Variants in NLGN1 observed in about 807,000 individuals in gnomAD.
NLGN1 encodes the protein neuroligin 1, also known as neuroligin-1.
In NLGN1, 12 loss-of-function variants were observed where a neutral mutation model predicts 65.5. That is an observed-to-expected ratio of 0.18 (90% confidence interval 0.12 to 0.30). The LOEUF is 0.30. NLGN1 is among the 10% of genes least tolerant of loss of function. The pLI, the probability that NLGN1 is intolerant of heterozygous loss-of-function variation, is 1.00. For missense variants in NLGN1, 750 were observed against 1,007.1 expected (o/e 0.74, Z 3.46); for synonymous variants, 350 against 359.5 (o/e 0.97, Z 0.30).
chr3:174,127,722 A>G (rs934501204), intron 4 of NLGN1, among the ~76,000 whole-genome samples: 3 of 152,066 alleles, frequency 2.0e-5, no homozygotes, highest in African/African-American at 4.8e-5. Context: ...ACAGCTGGCA[A>G]TTTTCTTCCC....
At chr3:174,138,480 G>C (rs917263856) in intron 4 of NLGN1, among the ~76,000 whole-genome samples, 1 of 147,882 alleles carries the variant, frequency 6.8e-6, no homozygotes. Context: ...CGTCGCCGAG[G>C]CTGGAGTGTA....
At chr3:174,156,609 A>G (rs1440024003) in intron 4 of NLGN1, among the ~76,000 whole-genome samples, 1 of 151,906 alleles carries the variant, frequency 6.6e-6, no homozygotes, top group Non-Finnish European at 1.5e-5. Flanking sequence ...TAAGAATGAT[A>G]TGAATTTTAA....
At chr3:174,209,986 C>T (rs1162365423) in intron 4 of NLGN1, among the ~76,000 whole-genome samples, 1 of 152,130 alleles carries the variant, frequency 6.6e-6, no homozygotes, top group African/African-American at 2.4e-5. Context: ...CCACAATGTC[C>T]TGGGCACCTT....
intron 3 of NLGN1, among the ~76,000 whole-genome samples, chr3:173,727,111 G>T (rs1378348541): frequency 1.3e-5 from 2 of 152,092 alleles, no homozygotes. Flanking sequence ...TGCTTGATTT[G>T]GATAGTCCCT....
intron 4 of NLGN1, among the ~76,000 whole-genome samples, chr3:173,984,187 T>C (rs1232249322): frequency 2.0e-5 from 3 of 152,282 alleles, no homozygotes; most frequent in African/African-American, 7.2e-5. Flanking sequence ...CCTGTGACAA[T>C]GTGAAAGTTC....
chr3:173,752,646 T>C lies in NLGN1; in HGVS notation c.494-55034T>C, dbSNP rs1025500372. Among the ~76,000 whole-genome samples the C allele has an allele frequency of 3.9e-5, 6 of 152,244 alleles. No homozygotes were observed. The South Asian group carries it at 1.2e-3, about 32-fold the overall frequency. ...CTTACTCCTCTCTCTTTCTGGAACT[T>C]GATTGTCTCCTTCTCCACTTACTAC... is the stretch of plus-strand genomic sequence containing the variant. On this transcript the variant is annotated intron_variant, in intron 3 of 6. Coordinates refer to ENST00000457714, the Ensembl canonical transcript of NLGN1.
chr3:173,985,997 T>A (rs1330796879), intron 4 of NLGN1, among the ~76,000 whole-genome samples: 2 of 152,012 alleles, frequency 1.3e-5, no homozygotes, highest in South Asian at 2.1e-4. Flanking sequence ...TAAGATCTGC[T>A]GTGATTTGAA....
At chr3:173,800,363 T>TC in intron 3 of NLGN1, 2 of 1,152,346 alleles carry the variant, frequency 1.7e-6, no homozygotes, top group South Asian at 1.4e-5. Flanking sequence ...GTATTTTTTT[T>TC]CACCAAATCT....
intron 4 of NLGN1, among the ~76,000 whole-genome samples, chr3:173,894,972 A>G (rs1736079499): frequency 6.6e-6 from 1 of 152,196 alleles, no homozygotes; most frequent in South Asian, 2.1e-4. Context: ...ATAGGTAAAA[A>G]GTCTGACACA....
At chr3:173,439,306 G>A (rs1027274601) in intron 2 of NLGN1, among the ~76,000 whole-genome samples, 1 of 152,028 alleles carries the variant, frequency 6.6e-6, no homozygotes, top group African/African-American at 2.4e-5. Context: ...ATTAACAAAT[G>A]GTTATAAACT....
intron 4 of NLGN1, among the ~76,000 whole-genome samples, chr3:173,855,322 A>G (rs950487803): frequency 1.3e-5 from 2 of 152,140 alleles, no homozygotes; most frequent in Admixed American, 1.3e-4. Context: ...AGATGTTTAT[A>G]TGTTGTTAAA....
intron 4 of NLGN1, among the ~76,000 whole-genome samples, chr3:173,848,287 A>C (rs1726211271): frequency 6.6e-6 from 1 of 152,166 alleles, no homozygotes; most frequent in Admixed American, 6.5e-5. Context: ...CTCATTTCAC[A>C]CTTATGTGGT....
At chr3:173,850,251 G>A (rs1165225628) in intron 4 of NLGN1, among the ~76,000 whole-genome samples, 1 of 152,102 alleles carries the variant, frequency 6.6e-6, no homozygotes, top group East Asian at 1.9e-4. Context: ...GTATGTGTGT[G>A]ATTATGGGTA....
At chr3:173,573,326 CAGAGGATGCATTCAACAA>C (rs1196933916) in intron 2 of NLGN1, among the ~76,000 whole-genome samples, 1 of 152,042 alleles carries the variant, frequency 6.6e-6, no homozygotes, top group Non-Finnish European at 1.5e-5. Flanking sequence ...AATATTGGTA[CAGAGGATGCATTCAACAA>C]ATGAGAGTTG....
chr3:173,398,492 G>A (rs543013638), intron 1 of NLGN1: 1 of 152,302 alleles, frequency 6.6e-6, no homozygotes, highest in South Asian at 2.1e-4. Flanking sequence ...TGCCTTGTGA[G>A]TAGAAATGAA....
intron 3 of NLGN1, chr3:173,724,456 A>G (rs771955452): frequency 4.6e-6 from 1 of 218,622 alleles, no homozygotes; most frequent in South Asian, 5.7e-5. Context: ...CCATATTTGT[A>G]GTAGAGACGA....
intron 4 of NLGN1, among the ~76,000 whole-genome samples, chr3:173,821,735 A>AT (rs1720346700): frequency 6.6e-6 from 1 of 152,126 alleles, no homozygotes; most frequent in South Asian, 2.1e-4. Context: ...TTTTTCCCTG[A>AT]TTCCAAGTTG....
At chr3:173,444,087 T>G (rs139031548) in intron 2 of NLGN1, among the ~76,000 whole-genome samples, 1 of 152,208 alleles carries the variant, frequency 6.6e-6, no homozygotes, top group Non-Finnish European at 1.5e-5. Context: ...TCACATATAC[T>G]GGGCATCTTT....
chr3:174,156,610 T>C (rs572696732), intron 4 of NLGN1, among the ~76,000 whole-genome samples: 2 of 151,882 alleles, frequency 1.3e-5, no homozygotes, highest in Admixed American at 1.3e-4. Context: ...AAGAATGATA[T>C]GAATTTTAAA....
Sources: gnomAD v4.1 joint callset for allele counts (sites outside exome capture counted in the v4.1 genomes callset) on GRCh38, gnomAD v4.1.1 for gene constraint, MANE v1.5 for transcripts, NCBI Gene and HGNC (gene_info 2026-07-23, HGNC 2026-07-21) for gene names.